MAGI1: variants seen among roughly 807,000 people sequenced by gnomAD.
MAGI1 encodes the protein membrane associated guanylate kinase, WW and PDZ domain containing 1, also known as membrane-associated guanylate kinase, WW and PDZ domain-containing protein 1.
A neutral mutation model predicts 139.9 loss-of-function variants in MAGI1; 58 were observed. The ratio of observed to expected loss-of-function variants is 0.41; its 90% CI spans 0.34 to 0.52. The LOEUF (loss-of-function observed/expected upper bound fraction) is 0.52. Among genes scored for constraint, MAGI1 ranks in the 20% least tolerant of loss-of-function variants. MAGI1 has a pLI of 0.12. For missense variants in MAGI1, 1,874 were observed against 1,901.6 expected, an observed-to-expected ratio of 0.99 and a Z score of 0.27; for synonymous variants, 812 against 737.9, an observed-to-expected ratio of 1.10 and a Z score of -1.63.
intron 1 of MAGI1, among the ~76,000 whole-genome samples, chr3:66,013,547 A>G (rs533104335): frequency 2.6e-4 from 39 of 151,986 alleles, no homozygotes; most frequent in Non-Finnish European, 4.4e-4. Context: ...GGATCACGAG[A>G]TCAGGAGACC....
At chr3:65,798,332 C>CAAAA (rs555137267) in intron 1 of MAGI1, among the ~76,000 whole-genome samples, 5,429 of 151,036 alleles carry the variant, frequency 0.036, 757 homozygotes, top group Non-Finnish European at 0.045. Flanking sequence ...AACAAACAAA[C>CAAAA]AAACACAGCC....
chr3:65,740,512 G>A (rs967966378), intron 1 of MAGI1, among the ~76,000 whole-genome samples: 8 of 152,168 alleles, frequency 5.3e-5, no homozygotes, highest in Non-Finnish European at 1.2e-4. Flanking sequence ...CTCTTCCAGG[G>A]AAGGTGAACA....
intron 1 of MAGI1, among the ~76,000 whole-genome samples, chr3:65,714,522 T>G (rs1199558296): frequency 6.6e-6 from 1 of 152,086 alleles, no homozygotes; most frequent in Non-Finnish European, 1.5e-5. Context: ...AACATGATGC[T>G]CATGCCACTT....
intron 1 of MAGI1, among the ~76,000 whole-genome samples, chr3:65,754,057 G>T (rs1463795708): frequency 6.8e-6 from 1 of 147,854 alleles, no homozygotes; most frequent in Non-Finnish European, 1.5e-5. Flanking sequence ...TTGATCTTAG[G>T]GATTCCCAAA....
At chr3:65,359,361 G>A in intron 22 of MAGI1, 1 of 1,357,558 alleles carries the variant, frequency 7.4e-7, no homozygotes, top group Non-Finnish European at 9.5e-7. Flanking sequence ...TCGGAACAGT[G>A]ACATTTTTAG....
Position 65,391,279 on chromosome 3 carries a change from G to A in MAGI1, c.2279C>T (p.Pro760Leu). 6.2e-7 allele frequency: 1 copy of A among 1,614,166 alleles called. No individual in the cohort carries two copies. The highest frequency in any genetic ancestry group is 8.5e-7 in the Non-Finnish European group (1 of 1,180,042). ...GGGGAGCACCTGTGTGCTGTGGCTT[G>A]GGGATGCTGTGTGCAGGCTTCGGTG... ...SSHRSLHTAS[P>L]SHSTQVLPEF... Residue 760 changes from proline to leucine, a missense_variant, in exon 14 of 23, where the codon CCA becomes CTA. Pro to Leu is a moderately conservative substitution (Grantham distance 98). Coordinates refer to ENST00000402939, the MANE Select transcript of MAGI1 (RefSeq NM_001033057.2).
At chr3:65,770,950 C>G (rs2107939089) in intron 1 of MAGI1, among the ~76,000 whole-genome samples, 1 of 152,126 alleles carries the variant, frequency 6.6e-6, no homozygotes, top group Non-Finnish European at 1.5e-5. Flanking sequence ...CTCGGCCTCC[C>G]AAAGTGCTGG....
chr3:65,675,864 C>T (rs1344867462), intron 1 of MAGI1, among the ~76,000 whole-genome samples: 1 of 152,150 alleles, frequency 6.6e-6, no homozygotes, highest in Non-Finnish European at 1.5e-5. Flanking sequence ...AACAATTGGG[C>T]TGAGCTGCTC....
intron 5 of MAGI1, 47 bp downstream of exon 5, chr3:65,470,236 G>T: frequency 7.3e-7 from 1 of 1,375,440 alleles, no homozygotes; most frequent in Non-Finnish European, 1.0e-6. Flanking sequence ...GGAAGGAAGG[G>T]AAAAGAAAGA....
At chr3:65,923,216 C>A (rs563437361) in intron 1 of MAGI1, among the ~76,000 whole-genome samples, 13 of 136,278 alleles carry the variant, frequency 9.5e-5, no homozygotes, top group Non-Finnish European at 1.5e-4. Flanking sequence ...AGCTTGCATT[C>A]AACAGACATC....
At chr3:65,549,683 G>A (rs565889629) in intron 2 of MAGI1, among the ~76,000 whole-genome samples, 2 of 152,196 alleles carry the variant, frequency 1.3e-5, no homozygotes, top group African/African-American at 4.8e-5. Context: ...CCATCCTCAG[G>A]GCCTTGGACG....
intron 17 of MAGI1, among the ~76,000 whole-genome samples, chr3:65,377,336 A>G (rs1298930401): frequency 6.6e-6 from 1 of 152,234 alleles, no homozygotes; most frequent in African/African-American, 2.4e-5. Flanking sequence ...TCCAAGGACA[A>G]TTGGTATAAC....
At chr3:65,400,289 T>C (rs1420334316) in intron 13 of MAGI1, among the ~76,000 whole-genome samples, 2 of 152,156 alleles carry the variant, frequency 1.3e-5, no homozygotes, top group African/African-American at 4.8e-5. Context: ...ACATCAATTA[T>C]TGCAGGTTTT....
chr3:65,708,507 C>T lies in MAGI1; in HGVS notation c.314-86419G>A, dbSNP rs149682974. On this transcript the variant is annotated intron_variant, in intron 1 of 22. Transcript: ENST00000402939. The stretch of plus-strand genomic sequence containing the variant: ...CTCACTTAACTCAGAACATCTCTTT[C>T]TTTTGAAACTTGAATTTGGGGAGAA... Among the ~76,000 whole-genome samples the T allele has an allele frequency of 1.6e-4, 24 of 152,180 alleles. No homozygotes were observed. The East Asian group carries it at 3.7e-3, about 23-fold the overall frequency.
chr3:65,618,315 T>C (rs1481806444), intron 2 of MAGI1, among the ~76,000 whole-genome samples: 1 of 151,922 alleles, frequency 6.6e-6, no homozygotes, highest in Non-Finnish European at 1.5e-5. Flanking sequence ...ATTGCAAAGG[T>C]TTTCCATAGG....
At chr3:65,565,856 C>CAA (rs766254957) in intron 2 of MAGI1, among the ~76,000 whole-genome samples, 3,110 of 93,820 alleles carry the variant, frequency 0.033, 124 homozygotes, top group Admixed American at 0.14. Flanking sequence ...GACTCCGTGT[C>CAA]AAAAAAAAAA....
intron 1 of MAGI1, among the ~76,000 whole-genome samples, chr3:65,737,003 CTTTTTTTTT>C (rs67969383): frequency 6.9e-6 from 1 of 145,492 alleles, no homozygotes; most frequent in Non-Finnish European, 1.5e-5. Context: ...TGCATCAAGA[CTTTTTTTTT>C]TTTTTCTTTT....
chr3:65,445,517 G>A (rs1185630045), intron 7 of MAGI1, among the ~76,000 whole-genome samples: 1 of 152,192 alleles, frequency 6.6e-6, no homozygotes, highest in Non-Finnish European at 1.5e-5. Context: ...AGATTTCTCT[G>A]TATATAGATT....
At chr3:65,654,603 C>T (rs1476023217) in intron 1 of MAGI1, among the ~76,000 whole-genome samples, 12 of 152,076 alleles carry the variant, frequency 7.9e-5, no homozygotes, top group Admixed American at 7.9e-4. Context: ...TTTCTGTGTG[C>T]TAGTGACATA....
Sources: gnomAD v4.1 joint callset for allele counts (sites outside exome capture counted in the v4.1 genomes callset) on GRCh38, gnomAD v4.1.1 for gene constraint, MANE v1.5 for transcripts, NCBI Gene and HGNC (gene_info 2026-07-23, HGNC 2026-07-21) for gene names.